Variants in ZAP70 observed in about 807,000 individuals in gnomAD.
The protein encoded by ZAP70 is tyrosine-protein kinase ZAP-70.
Under a neutral mutation model 65.8 loss-of-function variants are expected in ZAP70, and 27 were observed. The ratio of observed to expected loss-of-function variants is 0.41; its 90% CI spans 0.30 to 0.57. ZAP70 has a LOEUF of 0.57. Among genes scored for constraint, ZAP70 ranks in the 20% least tolerant of loss-of-function variants. The pLI, the probability that ZAP70 is intolerant of heterozygous loss-of-function variation, is 0.28. For missense variants in ZAP70, 696 were observed against 870.5 expected (o/e 0.80, Z 2.52); for synonymous variants, 363 against 360.8 (o/e 1.01, Z -0.07).
At chr2:97,721,689 C>G (rs963349401) in intron 2 of ZAP70, among the ~76,000 whole-genome samples, 1 of 150,738 alleles carries the variant, frequency 6.6e-6, no homozygotes, top group African/African-American at 2.4e-5. Flanking sequence ...GCCTCGGCCT[C>G]CCATAATGCT....
intron 2 of ZAP70, among the ~76,000 whole-genome samples, chr2:97,714,212 C>T (rs1676821046): frequency 6.6e-6 from 1 of 152,060 alleles, no homozygotes; most frequent in South Asian, 2.1e-4. Context: ...CTTGGCCGAG[C>T]GGGGCTGTTC....
chr2:97,733,693 C>G, intron 8 of ZAP70, 98 bp downstream of exon 8: 1 of 1,488,578 alleles, frequency 6.7e-7, no homozygotes, highest in Non-Finnish European at 9.4e-7. Context: ...GCGCTGTGGG[C>G]CGGGCCAGGC....
chr2:97,733,352 G>T lies in ZAP70; in HGVS notation c.837+9G>T, dbSNP rs991422899. 8 of 1,591,670 alleles carry T rather than the reference G, an allele frequency of 5.0e-6. No individual in the cohort carries two copies. The highest frequency in any genetic ancestry group is 5.1e-6 in the Non-Finnish European group (6 of 1,167,496). On this transcript the variant is annotated intron_variant, in intron 7 of 13. Transcript: ENST00000264972. ...CATCCACGTTGACTCATGTGAGTTG[G>T]GGGCACCTGGAGTGTGGCCTTGGGG...
intron 2 of ZAP70, among the ~76,000 whole-genome samples, chr2:97,717,279 G>A (rs1005167765): frequency 5.3e-5 from 8 of 152,184 alleles, no homozygotes; most frequent in African/African-American, 1.4e-4. Flanking sequence ...GAGGTGGGGC[G>A]GTGAGGGGCT....
rs1435409691 is a variant in ZAP70 at position 97,736,612 on chromosome 2, G to A, written c.1290-861G>A. Among the ~76,000 whole-genome samples, 5 of 152,206 alleles carry A rather than the reference G, an allele frequency of 3.3e-5. No individual in the cohort carries two copies. Among genetic ancestry groups the A allele is most frequent in the Admixed American group, 6.5e-5 (1 of 15,290 alleles). On this transcript the variant is annotated intron_variant, in intron 10 of 13. Coordinates refer to ENST00000264972, the MANE Select transcript of ZAP70 (RefSeq NM_001079.4). This position sits in a 1 kb window ranked among gnomAD's most constrained non-coding sequence, Gnocchi z 4.0. ...ATAGTGTGGTGGGCACAAGCCTGCCGCAGCTCCAGGGGGTTGGGAGTGTTG... is the reference window on the plus strand; with the variant it reads ...ATAGTGTGGTGGGCACAAGCCTGCCACAGCTCCAGGGGGTTGGGAGTGTTG...
intron 4 of ZAP70, among the ~76,000 whole-genome samples, chr2:97,725,786 AG>A (rs1046914325): frequency 7.9e-5 from 12 of 152,218 alleles, no homozygotes; most frequent in Admixed American, 3.3e-4. Flanking sequence ...CTTCTGAGGA[AG>A]GGAAAGAAGC....
At chr2:97,724,929 G>A (rs1559320811) in intron 3 of ZAP70, 163 bp from the exon 4 acceptor site, 3 of 1,533,894 alleles carry the variant, frequency 2.0e-6, no homozygotes, top group Non-Finnish European at 2.6e-6. Flanking sequence ...ATTGGGGAGG[G>A]GACCACGGAG....
chr2:97,739,263 C>T lies in ZAP70; in HGVS notation c.1737-112C>T, dbSNP rs1187018871. On this transcript the variant is annotated intron_variant, in intron 13 of 13. Transcript: ENST00000264972. ...CCCGCCACCCCAACAGCCCTGCTGA[C>T]TTTCTGAGCCCCAAAAGTCTACCTC... 9 of 1,528,454 alleles carry T rather than the reference C, an allele frequency of 5.9e-6. No individual in the cohort carries two copies. In the Admixed American group the frequency reaches 1.7e-4, roughly 28 times the overall value. 94.7% of individuals were successfully genotyped at this position (1,528,454 alleles called of 1,614,324 possible).
rs535535818 is a variant in ZAP70, at chr2:97,731,495, G to A, written c.564-1388G>A. On this transcript the variant is annotated intron_variant, in intron 4 of 13. Transcript: ENST00000264972. This position sits in a 1 kb window ranked among gnomAD's most constrained non-coding sequence, Gnocchi z 4.0. The stretch of plus-strand genomic sequence containing the variant: ...TGTGTGCCCTCATTGCCCCCGCCCT[G>A]ATTTCCCATCTCTCCATGTTATCTC... Among the ~76,000 whole-genome samples, 11 of 152,226 alleles carry A rather than the reference G, an allele frequency of 7.2e-5. No homozygotes were observed. In the East Asian group the frequency reaches 1.9e-3, roughly 27 times the overall value.
At chr2:97,754,587 G>A in the ZAP70 span, among the ~76,000 whole-genome samples, 2 of 152,082 alleles carry the variant, frequency 1.3e-5, no homozygotes, top group East Asian at 3.9e-4. Context: ...ATTTTTAGTA[G>A]AGACGGGATT....
chr2:97,724,373 G>A lies in ZAP70; in HGVS notation c.337G>A (p.Gly113Arg). The change falls in exon 3 of 14, where the codon GGG (glycine) becomes AGG (arginine). Residue 113 changes from glycine (G) to arginine (R), a missense_variant. Coordinates refer to ENST00000264972, the MANE Select transcript of ZAP70 (RefSeq NM_001079.4). The part of the protein sequence containing the change: ...NRPSGLEPQP[G>R]VFDCLRDAMV... ...GCCGTCGGGCCTCGAGCCGCAGCCGGGGGTCTTCGACTGCCTGCGAGACGC... is the reference window on the plus strand; with the variant it reads ...GCCGTCGGGCCTCGAGCCGCAGCCGAGGGTCTTCGACTGCCTGCGAGACGC... The A allele has an allele frequency of 1.3e-6, 2 of 1,545,176 alleles. No homozygotes were observed. Among genetic ancestry groups the A allele is most frequent in the Non-Finnish European group, 1.7e-6 (2 of 1,145,564 alleles).
chr2:97,733,076 G>A (rs764513566), intron 5 of ZAP70, 49 bp from the exon 6 acceptor site: 3 of 1,613,996 alleles, frequency 1.9e-6, no homozygotes, highest in Admixed American at 3.3e-5. Context: ...TGGGGTGCCG[G>A]GCTCTGGGGA....
At position 97,731,709 on chromosome 2, in the gene ZAP70, C is replaced by T. The variant is rs951763623; in HGVS notation, c.564-1174C>T. On this transcript the variant is annotated intron_variant, in intron 4 of 13. Coordinates refer to ENST00000264972, the MANE Select transcript of ZAP70 (RefSeq NM_001079.4). The surrounding 1 kb of genome is among the most constrained non-coding windows in gnomAD (Gnocchi z 4.0). ...TGCCTTGCTCACTGCCATATCCCTGCGCTGAGAACAGTGCCTGGCCTGTCA... is the reference window on the plus strand; with the variant it reads ...TGCCTTGCTCACTGCCATATCCCTGTGCTGAGAACAGTGCCTGGCCTGTCA... Among the ~76,000 whole-genome samples the T allele has an allele frequency of 1.6e-4, 24 of 152,342 alleles. No homozygotes were observed. The highest frequency in any genetic ancestry group is 2.6e-4 in the African/African-American group (11 of 41,564).
chr2:97,732,914 G>T lies in ZAP70; in HGVS notation c.595G>T (p.Ala199Ser), dbSNP rs1172768882. 1 of 1,614,010 alleles carries T rather than the reference G, an allele frequency of 6.2e-7. No homozygotes were observed. The highest frequency in any genetic ancestry group is 1.7e-5 in the Admixed American group (1 of 60,030). The stretch of plus-strand genomic sequence containing the variant: ...GCCGCGGAAGGAGCAGGGCACATAC[G>T]CCCTGTCCCTCATCTATGGGAAGAC... The part of the protein sequence containing the change: ...LRPRKEQGTY[A>S]LSLIYGKTVY... Residue 199 changes from alanine to serine, a missense_variant, in exon 5 of 14, where the codon GCC becomes TCC. Physicochemically the swap from Ala to Ser is moderately conservative, Grantham distance 99. This residue lies in a region of ZAP70 where 551 missense variants were observed against 630.0 expected (regional missense o/e 0.87). Transcript: ENST00000264972.
At chr2:97,727,904 A>T (rs1677455098) in intron 4 of ZAP70, among the ~76,000 whole-genome samples, 1 of 152,092 alleles carries the variant, frequency 6.6e-6, no homozygotes, top group Non-Finnish European at 1.5e-5. Flanking sequence ...TGGCTTAAAA[A>T]TTTCCCCCAG....
At chr2:97,733,453 C>T (rs1178347927) in intron 7 of ZAP70, 91 bp from the exon 8 acceptor site, 5 of 1,607,680 alleles carry the variant, frequency 3.1e-6, no homozygotes, top group South Asian at 2.2e-5. Flanking sequence ...AGCTCTCTCT[C>T]CACTGTCTCT....
intron 8 of ZAP70, chr2:97,733,977 C>A: frequency 2.9e-6 from 1 of 350,254 alleles, no homozygotes; most frequent in Non-Finnish European, 5.4e-6. Flanking sequence ...AGGGGTCTGT[C>A]TATGGGGATG....
the ZAP70 span, among the ~76,000 whole-genome samples, chr2:97,750,482 G>A: frequency 6.6e-6 from 1 of 152,362 alleles, no homozygotes; most frequent in Admixed American, 6.5e-5. Flanking sequence ...TTTCCTGTCT[G>A]TTGTAAAGCG....
intron 8 of ZAP70, 37 bp downstream of exon 8, chr2:97,733,632 A>T (rs200987919): frequency 4.3e-6 from 7 of 1,612,528 alleles, no homozygotes; most frequent in Non-Finnish European, 5.9e-6. Context: ...GTTGGGGCTC[A>T]TGCTGAGCCG....
Sources: gnomAD v4.1 joint callset for allele counts (sites outside exome capture counted in the v4.1 genomes callset) on GRCh38, gnomAD v4.1.1 for gene constraint, gnomAD v4.1.1 regional missense constraint, Gnocchi (gnomAD v3.1) non-coding constraint, MANE v1.5 for transcripts, NCBI Gene and HGNC (gene_info 2026-07-23, HGNC 2026-07-21) for gene names.